TDRD9: variants seen among roughly 807,000 people sequenced by gnomAD.
TDRD9 encodes the protein ATP-dependent RNA helicase TDRD9.
TDRD9 carries 124 observed loss-of-function variants against 172.6 expected under a neutral mutation model. The ratio of observed to expected loss-of-function variants is 0.72; its 90% CI spans 0.62 to 0.83. TDRD9 has a LOEUF of 0.83. Among genes scored for constraint, TDRD9 ranks in the 40% least tolerant of loss-of-function variants. The pLI is 0.00. For missense variants in TDRD9, 1,479 were observed against 1,714.1 expected, an observed-to-expected ratio of 0.86 and a Z score of 2.42; for synonymous variants, 619 against 617.1, an observed-to-expected ratio of 1.00 and a Z score of -0.05.
chr14:103,987,146 A>G (rs1223529144), intron 8 of TDRD9, among the ~76,000 whole-genome samples: 7 of 151,812 alleles, frequency 4.6e-5, no homozygotes, highest in Non-Finnish European at 1.5e-5. Flanking sequence ...ACACACACAC[A>G]CACACACACA....
intron 7 of TDRD9, among the ~76,000 whole-genome samples, chr14:103,984,869 A>G (rs1260927567): frequency 6.6e-6 from 1 of 152,202 alleles, no homozygotes; most frequent in Admixed American, 6.5e-5. Flanking sequence ...CTGCAAAGCC[A>G]CAGGGGTGGA....
chr14:103,946,453 A>G lies in TDRD9; in HGVS notation c.216-9211A>G, dbSNP rs536213826. ...AAGCCCACAGCTAACATCATACTCAATGGAAGATTGAAAGCTTTTCCTCTA... is the reference window on the plus strand; with the variant it reads ...AAGCCCACAGCTAACATCATACTCAGTGGAAGATTGAAAGCTTTTCCTCTA... On this transcript the variant is annotated intron_variant, in intron 1 of 35. Transcript: ENST00000409874. 4.1e-4 allele frequency among the ~76,000 whole-genome samples: 63 copies of G among 152,342 alleles called. 2 individuals carry two copies. The highest frequency in any genetic ancestry group is 1.4e-3 in the African/African-American group (59 of 41,580).
chr14:104,007,262 C>T, intron 19 of TDRD9, 58 bp downstream of exon 19: 1 of 1,531,050 alleles, frequency 6.5e-7, no homozygotes, highest in Non-Finnish European at 9.0e-7. Context: ...GAGAAGGACT[C>T]TGTCTTGGTA....
intron 1 of TDRD9, among the ~76,000 whole-genome samples, chr14:103,935,990 C>T (rs1490867711): frequency 6.6e-6 from 1 of 151,624 alleles, no homozygotes; most frequent in Non-Finnish European, 1.5e-5. Context: ...TTTTTTTTTA[C>T]AAGAGGGAGG....
chr14:104,034,187 T>A (rs868825611), intron 31 of TDRD9, 118 bp downstream of exon 31: 3 of 365,718 alleles, frequency 8.2e-6, no homozygotes, highest in African/African-American at 8.1e-5. Context: ...ACTATTCTTT[T>A]TTTTTCTTTT....
chr14:103,941,070 C>T, intron 1 of TDRD9: 1 of 1,534,912 alleles, frequency 6.5e-7, no homozygotes, highest in Non-Finnish European at 8.7e-7. Context: ...TTTCCCATGG[C>T]AGTACATCAT....
intron 1 of TDRD9, among the ~76,000 whole-genome samples, chr14:103,952,190 GTA>G (rs1566734586): frequency 0.044 from 2,424 of 55,338 alleles, 87 homozygotes; most frequent in African/African-American, 0.092. Flanking sequence ...GCGTGTGTGT[GTA>G]TATATATATA....
At chr14:104,029,870 A>AT (rs774407078) in intron 28 of TDRD9, among the ~76,000 whole-genome samples, 115 of 152,174 alleles carry the variant, frequency 7.6e-4, no homozygotes, top group African/African-American at 2.7e-3. Context: ...TTTGCTGAGA[A>AT]TTTTTTTATC....
chr14:103,936,742 C>G (rs1297272038), intron 1 of TDRD9, among the ~76,000 whole-genome samples: 1 of 152,164 alleles, frequency 6.6e-6, no homozygotes. Context: ...ACCTTACTCC[C>G]CAGTAATCTA....
At chr14:103,998,777 G>T in intron 13 of TDRD9, 49 bp downstream of exon 13, 1 of 931,072 alleles carries the variant, frequency 1.1e-6, no homozygotes, top group South Asian at 1.4e-5. Flanking sequence ...GTGACACAGT[G>T]GCACATTCAG....
At chr14:103,999,643 A>ACATTTAATCTTTTTATCTTCCT (rs1566771643) in intron 13 of TDRD9, among the ~76,000 whole-genome samples, 1 of 130,470 alleles carries the variant, frequency 7.7e-6, no homozygotes, top group African/African-American at 3.0e-5. Context: ...TGTTTTTTAG[A>ACATTTAATCTTTTTATCTTCCT]AAACCTTTTG....
intron 20 of TDRD9, among the ~76,000 whole-genome samples, chr14:104,011,861 T>C (rs2034622363): frequency 6.6e-6 from 1 of 152,274 alleles, no homozygotes; most frequent in South Asian, 2.1e-4. Context: ...GCTGTTATGC[T>C]TATGCTTATG....
At chr14:104,043,222 C>T (rs569273282) in intron 34 of TDRD9, among the ~76,000 whole-genome samples, 2 of 151,320 alleles carry the variant, frequency 1.3e-5, no homozygotes, top group South Asian at 2.1e-4. Context: ...TGAGGTCTTG[C>T]TATGTTGCCC....
chr14:103,997,093 C>T lies in TDRD9; in HGVS notation c.1378+1286C>T, dbSNP rs2034085078. On this transcript the variant is annotated intron_variant, in intron 12 of 35. Transcript: ENST00000409874. This position sits in a 1 kb window ranked among gnomAD's most constrained non-coding sequence, Gnocchi z 5.1. ...CAGGGCCCATAGGACCTGGTACAACCTTGCTGTGCTGGGCAAGATGGAAAA... is the reference window on the plus strand; with the variant it reads ...CAGGGCCCATAGGACCTGGTACAACTTTGCTGTGCTGGGCAAGATGGAAAA... Among the ~76,000 whole-genome samples the T allele has an allele frequency of 6.6e-6, 1 of 152,202 alleles. No homozygotes were observed. Among genetic ancestry groups the T allele is most frequent in the Non-Finnish European group, 1.5e-5 (1 of 68,052 alleles).
intron 5 of TDRD9, among the ~76,000 whole-genome samples, chr14:103,969,168 C>CTTT (rs147613591): frequency 5.2e-4 from 71 of 137,656 alleles, no homozygotes; most frequent in African/African-American, 1.7e-3. Context: ...ATTCAATAAA[C>CTTT]TTTTTTTTTT....
chr14:103,936,896 AG>A (rs1387489700), intron 1 of TDRD9, among the ~76,000 whole-genome samples: 1 of 152,202 alleles, frequency 6.6e-6, no homozygotes, highest in Non-Finnish European at 1.5e-5. Flanking sequence ...ATTCGAGACT[AG>A]CCTGGGCAAC....
intron 3 of TDRD9, 34 bp from the exon 4 acceptor site, chr14:103,965,299 G>A (rs2152143892): frequency 6.5e-7 from 1 of 1,534,850 alleles, no homozygotes; most frequent in Non-Finnish European, 8.8e-7. Flanking sequence ...TTGCCATTTT[G>A]TGCTGATTTT....
At chr14:103,975,207 G>T (rs548693781) in intron 6 of TDRD9, among the ~76,000 whole-genome samples, 182 bp from the exon 7 acceptor site, 1 of 152,244 alleles carries the variant, frequency 6.6e-6, no homozygotes, top group Non-Finnish European at 1.5e-5. Context: ...AGTAAAAGTT[G>T]GTATCTCTGA....
intron 7 of TDRD9, among the ~76,000 whole-genome samples, chr14:103,978,760 GTTGTC>G (rs2033356383): frequency 6.6e-6 from 1 of 152,016 alleles, no homozygotes; most frequent in Non-Finnish European, 1.5e-5. Context: ...ACCTTTACTG[GTTGTC>G]TTAAGTCTGT....
Sources: allele counts gnomAD v4.1 joint callset (sites outside exome capture counted in the v4.1 genomes callset), GRCh38; gene constraint gnomAD v4.1.1; non-coding constraint Gnocchi (gnomAD v3.1); transcripts MANE v1.5; gene names NCBI Gene and HGNC (gene_info 2026-07-23, HGNC 2026-07-21).